Variants in SBF2 observed in about 807,000 individuals in gnomAD.
SBF2 encodes myotubularin-related protein 13.
In SBF2, 112 loss-of-function variants were observed where a neutral mutation model predicts 225.2. The ratio of observed to expected loss-of-function variants is 0.50; its 90% CI spans 0.43 to 0.58. The LOEUF is 0.58. Ranked by LOEUF, SBF2 falls within the 20% of genes least tolerant of loss-of-function variation. SBF2 has a pLI of 0.00. For synonymous variants in SBF2, 763 were observed against 773.3 expected (o/e 0.99, Z 0.22); for missense variants, 1,996 against 2,206.2 (o/e 0.90, Z 1.91).
intron 2 of SBF2, among the ~76,000 whole-genome samples, chr11:10,158,477 A>C (rs944263493): frequency 2.0e-5 from 3 of 152,156 alleles, no homozygotes; most frequent in African/African-American, 7.2e-5. Context: ...ATAAAATCAG[A>C]AATAAAACAG....
intron 28 of SBF2, 109 bp downstream of exon 28, chr11:9,829,247 T>C: frequency 7.8e-7 from 1 of 1,285,348 alleles, no homozygotes; most frequent in Admixed American, 1.7e-5. Context: ...TTTTAAGAAG[T>C]CTTGGTGAAG....
At chr11:10,052,280 T>C (rs1022365074) in intron 2 of SBF2, among the ~76,000 whole-genome samples, 1 of 152,148 alleles carries the variant, frequency 6.6e-6, no homozygotes, top group Non-Finnish European at 1.5e-5. Context: ...ATATTTGTAA[T>C]GGCAAAACAT....
At chr11:9,858,164 C>T in intron 18 of SBF2, 62 bp downstream of exon 18, 1 of 1,599,872 alleles carries the variant, frequency 6.3e-7, no homozygotes, top group Non-Finnish European at 8.5e-7. Context: ...CTGGGAACAT[C>T]TGCTTTCCTT....
intron 29 of SBF2, among the ~76,000 whole-genome samples, chr11:9,813,696 G>A (rs1180853285): frequency 1.3e-5 from 2 of 152,180 alleles, no homozygotes; most frequent in African/African-American, 4.8e-5. Context: ...AATCTCAGCA[G>A]TCTGGAAGGC....
chr11:10,031,344 A>G (rs1341729552), intron 3 of SBF2, among the ~76,000 whole-genome samples, 174 bp from the exon 4 acceptor site: 3 of 152,232 alleles, frequency 2.0e-5, no homozygotes, highest in Non-Finnish European at 2.9e-5. Context: ...CTAAAAGTAA[A>G]GTAGACAAAT....
intron 17 of SBF2, among the ~76,000 whole-genome samples, chr11:9,876,724 A>G (rs927257710): frequency 2.0e-5 from 3 of 152,160 alleles, no homozygotes; most frequent in African/African-American, 7.2e-5. Flanking sequence ...AGACTATGAC[A>G]CTATCTTAAG....
At chr11:10,029,717 A>C in intron 5 of SBF2, 48 bp downstream of exon 5, 1 of 1,119,312 alleles carries the variant, frequency 8.9e-7, no homozygotes, top group Non-Finnish European at 1.4e-6. Context: ...ACTGGAGGAG[A>C]GGGGAAGAGG....
intron 2 of SBF2, among the ~76,000 whole-genome samples, chr11:10,159,071 T>C (rs1955600682): frequency 6.6e-6 from 1 of 150,432 alleles, no homozygotes; most frequent in South Asian, 2.1e-4. Context: ...TGAAAGTTTT[T>C]CCTCTAACAT....
chr11:10,273,827 A>G (rs1459743055), intron 1 of SBF2, among the ~76,000 whole-genome samples: 1 of 152,246 alleles, frequency 6.6e-6, no homozygotes, highest in Non-Finnish European at 1.5e-5. Flanking sequence ...CTCATTAGAT[A>G]GACCTGACAG....
At chr11:10,148,295 A>T (rs1234535044) in intron 2 of SBF2, among the ~76,000 whole-genome samples, 1 of 152,120 alleles carries the variant, frequency 6.6e-6, no homozygotes, top group East Asian at 1.9e-4. Context: ...TGTGAGATCT[A>T]CTTTTGAGGA....
chr11:9,937,645 A>G (rs1040407583), intron 16 of SBF2, among the ~76,000 whole-genome samples: 1 of 152,198 alleles, frequency 6.6e-6, no homozygotes, highest in Non-Finnish European at 1.5e-5. Flanking sequence ...TGAAATAAAT[A>G]AATTGTATAA....
intron 16 of SBF2, among the ~76,000 whole-genome samples, chr11:9,933,899 T>C (rs1465550153): frequency 6.6e-6 from 1 of 151,888 alleles, no homozygotes; most frequent in Non-Finnish European, 1.5e-5. Context: ...ATCAACAAAA[T>C]TGATAGACTG....
chr11:9,816,680 A>T (rs1854474067), intron 29 of SBF2, among the ~76,000 whole-genome samples, 160 bp downstream of exon 29: 2 of 151,906 alleles, frequency 1.3e-5, no homozygotes, highest in South Asian at 4.1e-4. Context: ...TAATATATAT[A>T]AATAAATACA....
chr11:10,002,518 A>C, intron 7 of SBF2, 39 bp downstream of exon 7: 1 of 1,487,454 alleles, frequency 6.7e-7, no homozygotes, highest in East Asian at 2.3e-5. Flanking sequence ...AGTGATATGT[A>C]GTTTAGGAAT....
intron 1 of SBF2, among the ~76,000 whole-genome samples, chr11:10,219,324 C>T (rs947101910): frequency 2.0e-5 from 3 of 152,208 alleles, no homozygotes; most frequent in Non-Finnish European, 4.4e-5. Context: ...TGTAACTTGG[C>T]CCCTTTTAGC....
intron 1 of SBF2, among the ~76,000 whole-genome samples, chr11:10,237,801 C>T (rs1473681783): frequency 1.3e-5 from 2 of 152,190 alleles, no homozygotes; most frequent in Non-Finnish European, 2.9e-5. Flanking sequence ...TCCTAAACCA[C>T]CACTGATCGG....
At chr11:10,047,939 C>T (rs10500717) in intron 2 of SBF2, among the ~76,000 whole-genome samples, 11,829 of 152,126 alleles carry the variant, frequency 0.078, 908 homozygotes, top group East Asian at 0.19. Context: ...AATCAGGCCA[C>T]GCTGTTCCTC....
chr11:9,799,009 A>T (rs1282046905), intron 32 of SBF2, among the ~76,000 whole-genome samples: 2 of 152,154 alleles, frequency 1.3e-5, no homozygotes, highest in East Asian at 1.9e-4. Context: ...GCCTCAAAAT[A>T]ACATTTCTCT....
chr11:10,181,748 A>T (rs914778187), intron 2 of SBF2, among the ~76,000 whole-genome samples: 2 of 152,076 alleles, frequency 1.3e-5, no homozygotes, highest in Non-Finnish European at 1.5e-5. Flanking sequence ...AAGAGATATG[A>T]GTATAATTCC....
Sources: gnomAD v4.1 joint callset for allele counts (sites outside exome capture counted in the v4.1 genomes callset) on GRCh38, gnomAD v4.1.1 for gene constraint, MANE v1.5 for transcripts, NCBI Gene and HGNC (gene_info 2026-07-23, HGNC 2026-07-21) for gene names.